Variants in SLC28A3 observed in about 807,000 individuals in gnomAD.
SLC28A3 encodes solute carrier family 28 member 3.
A neutral mutation model predicts 84.2 loss-of-function variants in SLC28A3; 68 were observed. The ratio of observed to expected loss-of-function variants is 0.81; its 90% CI spans 0.66 to 0.99. The LOEUF is 0.99. Ranked by LOEUF, SLC28A3 falls within the 50% of genes least tolerant of loss-of-function variation. The pLI is 0.00. For missense variants in SLC28A3, 712 were observed against 841.5 expected (o/e 0.85, Z 1.90); for synonymous variants, 267 against 303.6 (o/e 0.88, Z 1.25).
At chr9:84,362,404 G>A in the SLC28A3 span, among the ~76,000 whole-genome samples, 12 of 152,140 alleles carry the variant, frequency 7.9e-5, no homozygotes, top group Admixed American at 5.9e-4. Context: ...AGCTGAGGTG[G>A]GCAGATTGCC....
rs769882493 is a variant in SLC28A3 at position 84,303,481 on chromosome 9, C to T, written c.335-1092G>A. On this transcript the variant is annotated intron_variant, in intron 4 of 17. Coordinates refer to ENST00000376238, the MANE Select transcript of SLC28A3 (RefSeq NM_001199633.2). ...GATTACAGGCATGTGCCACCACGCC[C>T]GGTTAATTTTGTATTTTTAGTAGAG... Among the ~76,000 whole-genome samples the T allele has an allele frequency of 9.9e-5, 15 of 152,150 alleles. No homozygotes were observed. In the South Asian group the frequency reaches 1.0e-3, roughly 10 times the overall value.
chr9:84,280,040 G>A lies in SLC28A3; in HGVS notation c.1763C>T (p.Ala588Val), dbSNP rs1824682556. The A allele has an allele frequency of 1.9e-6, 3 of 1,613,862 alleles. No individual in the cohort carries two copies. The highest frequency in any genetic ancestry group is 2.5e-6 in the Non-Finnish European group (3 of 1,180,018). The change falls in exon 16 of 18, where the codon GCC becomes GTC. Residue 588 changes from alanine to valine, a missense_variant. Ala to Val is a moderately conservative substitution (Grantham distance 64, BLOSUM62 0). Transcript: ENST00000376238. ...SMAPSRKRDI[A>V]SGAVRALIAG... Reference sequence around the variant, plus strand: ...AATCAGAGCTCTCACTGCCCCCGAGGCGATATCACGCTTTCTGGAAGGAGC... The same window carrying A: ...AATCAGAGCTCTCACTGCCCCCGAGACGATATCACGCTTTCTGGAAGGAGC...
chr9:84,324,942 T>G (rs1003446392), intron 1 of SLC28A3, among the ~76,000 whole-genome samples: 2 of 152,226 alleles, frequency 1.3e-5, no homozygotes, highest in African/African-American at 4.8e-5. Flanking sequence ...GGCCATGTTT[T>G]ATGGAGGAAT....
the SLC28A3 span, among the ~76,000 whole-genome samples, chr9:84,360,887 G>C: frequency 1.3e-5 from 2 of 152,054 alleles, no homozygotes; most frequent in Non-Finnish European, 2.9e-5. Flanking sequence ...TTTGGTGACA[G>C]AGCAAGACCT....
intron 1 of SLC28A3, among the ~76,000 whole-genome samples, chr9:84,329,730 AAAG>A (rs1028483239): frequency 3.0e-4 from 46 of 152,196 alleles, no homozygotes; most frequent in African/African-American, 8.7e-4. Flanking sequence ...CTCATGAAAA[AAAG>A]AAGAAGAAAG....
chr9:84,294,481 T>C (rs993799115), intron 8 of SLC28A3, among the ~76,000 whole-genome samples: 7 of 152,240 alleles, frequency 4.6e-5, no homozygotes, highest in Non-Finnish European at 8.8e-5. Context: ...TCCCCTGTCT[T>C]CTATGGTGAG....
intron 1 of SLC28A3, among the ~76,000 whole-genome samples, chr9:84,320,806 A>G (rs1160199455): frequency 6.6e-6 from 1 of 152,036 alleles, no homozygotes; most frequent in Non-Finnish European, 1.5e-5. Flanking sequence ...CCTGGCCAAC[A>G]TGGCGAAACC....
At chr9:84,311,560 ATCT>A (rs1165992453) in intron 2 of SLC28A3, among the ~76,000 whole-genome samples, 3 of 151,690 alleles carry the variant, frequency 2.0e-5, no homozygotes, top group Non-Finnish European at 4.4e-5. Flanking sequence ...GGCCCTAAAA[ATCT>A]TCTTATGGCC....
At chr9:84,330,128 A>G (rs1463945113) in intron 1 of SLC28A3, among the ~76,000 whole-genome samples, 1 of 152,114 alleles carries the variant, frequency 6.6e-6, no homozygotes, top group Non-Finnish European at 1.5e-5. Flanking sequence ...GAGAGAATCA[A>G]TGAAACCAAA....
intron 12 of SLC28A3, among the ~76,000 whole-genome samples, chr9:84,287,545 A>C (rs1164173402): frequency 3.9e-5 from 6 of 152,188 alleles, no homozygotes; most frequent in Admixed American, 2.6e-4. Flanking sequence ...CAGATATGGA[A>C]ATGTATTGAC....
At chr9:84,297,838 C>T (rs139087062) in intron 7 of SLC28A3, 68 bp downstream of exon 7, 34 of 1,289,492 alleles carry the variant, frequency 2.6e-5, no homozygotes, top group East Asian at 7.0e-5. Context: ...ATTTCTGACA[C>T]GTCTTGAGGA....
At chr9:84,347,829 C>T in the SLC28A3 span, among the ~76,000 whole-genome samples, 2 of 152,170 alleles carry the variant, frequency 1.3e-5, no homozygotes, top group African/African-American at 4.8e-5. Flanking sequence ...CTTGGAACAG[C>T]GTCAGCTCAA....
At chr9:84,320,506 C>T (rs1415670615) in intron 1 of SLC28A3, among the ~76,000 whole-genome samples, 1 of 152,132 alleles carries the variant, frequency 6.6e-6, no homozygotes, top group Non-Finnish European at 1.5e-5. Flanking sequence ...TTATTATTTT[C>T]CTCCTTCTAC....
intron 15 of SLC28A3, among the ~76,000 whole-genome samples, chr9:84,280,525 C>G (rs1017256502): frequency 3.3e-5 from 5 of 152,194 alleles, no homozygotes; most frequent in Non-Finnish European, 7.3e-5. Flanking sequence ...AGGTGCCCAT[C>G]ATAAACCTAT....
chr9:84,292,601 A>C (rs1030244102), intron 10 of SLC28A3, 67 bp downstream of exon 10: 33 of 1,299,844 alleles, frequency 2.5e-5, no homozygotes, highest in Non-Finnish European at 3.3e-5. Context: ...TTATTTTCTT[A>C]TTTGGCTTTT....
chr9:84,333,906 G>A (rs948015921), intron 1 of SLC28A3, among the ~76,000 whole-genome samples: 2 of 152,208 alleles, frequency 1.3e-5, no homozygotes, highest in Non-Finnish European at 2.9e-5. Context: ...TAACGCAAAT[G>A]TCCACTAGCA....
intron 7 of SLC28A3, 76 bp from the exon 8 acceptor site, chr9:84,297,374 C>G: frequency 8.3e-7 from 1 of 1,207,906 alleles, no homozygotes; most frequent in East Asian, 2.3e-5. Context: ...GAATGCTAGG[C>G]TCTCAGAGGA....
chr9:84,324,637 GA>G (rs11342897), intron 1 of SLC28A3, among the ~76,000 whole-genome samples: 63,602 of 151,020 alleles, frequency 0.42, 15,085 homozygotes, highest in Middle Eastern at 0.57. Context: ...GTGACACAGT[GA>G]GACCCTGTCT....
In SLC28A3 at chr9:84,288,068, A is replaced by G; in HGVS notation, c.1260T>C (p.Asn420=). The change falls in exon 12 of 18, where the codon AAT becomes AAC. Residue 420 remains asparagine, a synonymous_variant. Transcript: ENST00000376238. ...CTTACCCACTTTCCATTTTCATGGC[A>G]TTCTTGAGGGTTATTTTAGGTTTTT... ...ETEKPKITLK[N]AMKMESGDSG... The G allele has an allele frequency of 6.2e-7, 1 of 1,613,914 alleles. No homozygotes were observed. Among genetic ancestry groups the G allele is most frequent in the Non-Finnish European group, 8.5e-7 (1 of 1,179,908 alleles).
Sources: allele counts gnomAD v4.1 joint callset (sites outside exome capture counted in the v4.1 genomes callset), GRCh38; gene constraint gnomAD v4.1.1; transcripts MANE v1.5; gene names NCBI Gene and HGNC (gene_info 2026-07-23, HGNC 2026-07-21).